Variants in ARFGEF2 observed in about 807,000 individuals in gnomAD.
ARFGEF2 encodes brefeldin A-inhibited guanine nucleotide-exchange protein 2.
In ARFGEF2, 74 loss-of-function variants were observed where a neutral mutation model predicts 219.9. That is an observed-to-expected ratio of 0.34 (90% CI 0.28 to 0.41). ARFGEF2 has a LOEUF of 0.41. ARFGEF2 is among the 10% of genes least tolerant of loss of function. ARFGEF2 has a pLI of 1.00. For missense variants in ARFGEF2, 1,743 were observed against 2,218.3 expected (o/e 0.79, Z 4.30); for synonymous variants, 733 against 799.2 (o/e 0.92, Z 1.40).
intron 18 of ARFGEF2, 94 bp from the exon 19 acceptor site, chr20:48,989,191 G>A: frequency 7.3e-7 from 1 of 1,363,640 alleles, no homozygotes; most frequent in Admixed American, 1.7e-5. Context: ...GGAGGATTTA[G>A]GAGTTAATCA....
At chr20:48,962,153 C>T (rs542485871) in intron 6 of ARFGEF2, among the ~76,000 whole-genome samples, 2 of 152,298 alleles carry the variant, frequency 1.3e-5, no homozygotes, top group Middle Eastern at 3.4e-3. Flanking sequence ...GCACTCCAGC[C>T]TGGGCAACAA....
chr20:48,967,980 A>G (rs1473430161), intron 8 of ARFGEF2, among the ~76,000 whole-genome samples: 2 of 152,024 alleles, frequency 1.3e-5, no homozygotes, highest in African/African-American at 4.8e-5. Context: ...AATCTTTATT[A>G]TATGTTTTTA....
In ARFGEF2 at chr20:48,971,218, A is replaced by G. The variant is rs373419435; in HGVS notation, c.1289A>G (p.Asn430Ser). 33 of 1,614,050 alleles carry G rather than the reference A, an allele frequency of 2.0e-5. No individual in the cohort carries two copies. Among genetic ancestry groups the G allele is most frequent in the Non-Finnish European group, 2.4e-5 (28 of 1,180,042 alleles). The change falls in exon 10 of 39, where the codon AAT becomes AGT. Residue 430 changes from asparagine to serine, a missense_variant. Coordinates refer to ENST00000371917, the MANE Select transcript of ARFGEF2 (RefSeq NM_006420.3). ...PVFRTHEMFINAIKQYLCVAL... is the reference protein window; with the variant it reads ...PVFRTHEMFISAIKQYLCVAL... The stretch of plus-strand genomic sequence containing the variant: ...TTCAGGACTCACGAGATGTTCATCA[A>G]TGCAATCAAGCAATATCTCTGTGTG...
rs2091575961 is a variant in ARFGEF2 at position 49,023,121 on chromosome 20, C to G, written c.4695C>G (p.Asn1565Lys). ...TGGAATTGATACAGACCATTGACAA[C>G]ATTGTGTTCTACCCTGCGACGAGCA... ...VQLELIQTID[N>K]IVFYPATSKK... The change falls in exon 35 of 39, where the codon AAC becomes AAG. Residue 1565 changes from asparagine to lysine, a missense_variant. Coordinates refer to ENST00000371917, the MANE Select transcript of ARFGEF2 (RefSeq NM_006420.3). 6.2e-7 allele frequency: 1 copy of G among 1,614,084 alleles called. No individual in the cohort carries two copies. The highest frequency in any genetic ancestry group is 1.7e-5 in the Admixed American group (1 of 59,994).
Position 48,976,075 on chromosome 20 carries a change from C to T in ARFGEF2, c.1834C>T (p.Arg612Trp), listed in dbSNP as rs370911063. The part of the protein sequence containing the change: ...GDGKGLDMAR[R>W]CSVTSMESTV... ...TGGGAAAGGCCTTGACATGGCAAGACGGTGTAGTGTGACGTCCATGGAGTC... is the reference window on the plus strand; with the variant it reads ...TGGGAAAGGCCTTGACATGGCAAGATGGTGTAGTGTGACGTCCATGGAGTC... Residue 612 changes from arginine (R) to tryptophan (W), a missense_variant, in exon 14 of 39, where the codon CGG (arginine) becomes TGG (tryptophan). Arg to Trp is a moderately radical substitution (Grantham distance 101). Around this residue, in one of 5 missense-constraint regions of ARFGEF2, gnomAD observed 666 missense variants for 955.4 expected, o/e 0.70. Transcript: ENST00000371917. The T allele has an allele frequency of 1.4e-5, 23 of 1,613,030 alleles. No individual in the cohort carries two copies. The highest frequency in any genetic ancestry group is 3.3e-5 in the Admixed American group (2 of 59,968).
chr20:48,942,572 C>T (rs2091000172), intron 3 of ARFGEF2, among the ~76,000 whole-genome samples: 1 of 141,106 alleles, frequency 7.1e-6, no homozygotes, highest in African/African-American at 2.7e-5. Context: ...GCAACGTCTG[C>T]TTCTCGGGTT....
chr20:48,988,313 G>A lies in ARFGEF2; in HGVS notation c.2286G>A (p.Leu762=), dbSNP rs766473384. The change falls in exon 17 of 39, where the codon CTG becomes CTA. Residue 762 remains leucine (L), a synonymous_variant. Transcript: ENST00000371917. ...GAATTTTTTTCTCCAGGCAAACTCT[G>A]TTTGCTAGTGCTGACACTGCTTATG... ...RYIECNQGQT[L]FASADTAYVL... 5 of 1,613,406 alleles carry A rather than the reference G, an allele frequency of 3.1e-6. No individual in the cohort carries two copies. The highest frequency in any genetic ancestry group is 4.2e-6 in the Non-Finnish European group (5 of 1,179,916).
intron 14 of ARFGEF2, among the ~76,000 whole-genome samples, chr20:48,980,237 G>A (rs571151331): frequency 6.6e-6 from 1 of 151,882 alleles, no homozygotes; most frequent in African/African-American, 2.4e-5. Context: ...ATTTCGTTAT[G>A]TACCCAGTAG....
At chr20:49,025,856 C>A (rs926534782) in intron 36 of ARFGEF2, among the ~76,000 whole-genome samples, 2 of 151,822 alleles carry the variant, frequency 1.3e-5, no homozygotes, top group African/African-American at 4.8e-5. Context: ...GTGGTGCAAA[C>A]CCATAATCCC....
intron 22 of ARFGEF2, among the ~76,000 whole-genome samples, chr20:48,995,346 C>T (rs551174065): frequency 6.6e-6 from 1 of 152,190 alleles, no homozygotes; most frequent in South Asian, 2.1e-4. Context: ...AAAGTATGGA[C>T]TCTGGAAAAA....
At chr20:49,006,795 C>A (rs1252055574) in intron 26 of ARFGEF2, among the ~76,000 whole-genome samples, 1 of 151,824 alleles carries the variant, frequency 6.6e-6, no homozygotes, top group African/African-American at 2.4e-5. Context: ...CCAGTGGTGG[C>A]AGGGTGCCTA....
At chr20:48,971,588 GAATATCTTT>G (rs2091228002) in intron 10 of ARFGEF2, among the ~76,000 whole-genome samples, 1 of 152,140 alleles carries the variant, frequency 6.6e-6, no homozygotes, top group Admixed American at 6.5e-5. Flanking sequence ...ATGAGTAAGA[GAATATCTTT>G]TTATAAAAAG....
intron 8 of ARFGEF2, among the ~76,000 whole-genome samples, chr20:48,967,457 T>C (rs2091195086): frequency 6.6e-6 from 1 of 152,212 alleles, no homozygotes; most frequent in South Asian, 2.1e-4. Flanking sequence ...GCAAGTAGTA[T>C]TGATGGTTCA....
At chr20:48,952,926 C>T (rs1033476449) in intron 5 of ARFGEF2, 42 bp downstream of exon 5, 2 of 1,595,618 alleles carry the variant, frequency 1.3e-6, no homozygotes, top group Non-Finnish European at 1.7e-6. Context: ...GACATCATTG[C>T]TCTCTGAACT....
Position 48,953,142 on chromosome 20 carries a change from TTTTC to T in ARFGEF2, c.603+278_603+281del, listed in dbSNP as rs544917028. ...AATATGTTATCCTTTTGGCTGGAATTTTTCTTTCTTTCTTTCTTTCTTTTTTTTT... is the reference window on the plus strand; with the variant it reads ...AATATGTTATCCTTTTGGCTGGAATTTTTCTTTCTTTCTTTCTTTTTTTTT... On this transcript the variant is annotated intron_variant, in intron 5 of 38. Transcript: ENST00000371917. Among the ~76,000 whole-genome samples, 1,074 of 151,540 alleles carry T rather than the reference TTTTC, an allele frequency of 7.1e-3. 3 individuals carry two copies. The highest frequency in any genetic ancestry group is 0.013 in the African/African-American group (527 of 41,240).
At chr20:48,935,654 T>G (rs1243914056) in intron 1 of ARFGEF2, among the ~76,000 whole-genome samples, 1 of 151,764 alleles carries the variant, frequency 6.6e-6, no homozygotes, top group Admixed American at 6.6e-5. Flanking sequence ...GGCTCCTCAC[T>G]TCCCAGTAGG....
intron 1 of ARFGEF2, among the ~76,000 whole-genome samples, chr20:48,937,896 A>G (rs902487742): frequency 2.0e-5 from 3 of 152,248 alleles, no homozygotes; most frequent in Non-Finnish European, 4.4e-5. Context: ...TAGCCTTCCC[A>G]GCTGGATGGG....
At chr20:48,950,811 A>AAAAAATATATATATATAT (rs1176537072) in intron 3 of ARFGEF2, among the ~76,000 whole-genome samples, 1 of 64,482 alleles carries the variant, frequency 1.6e-5, no homozygotes, top group Non-Finnish European at 2.6e-5. Flanking sequence ...AAAAAAAAAA[A>AAAAAATATATATATATAT]ATATATATAT....
intron 32 of ARFGEF2, 42 bp from the exon 33 acceptor site, chr20:49,017,454 C>T (rs2091537173): frequency 6.2e-7 from 1 of 1,610,656 alleles, no homozygotes; most frequent in Non-Finnish European, 8.5e-7. Context: ...CTCCTGATTG[C>T]CTTTCACATT....
Sources: gnomAD v4.1 joint callset for allele counts (sites outside exome capture counted in the v4.1 genomes callset) on GRCh38, gnomAD v4.1.1 for gene constraint, gnomAD v4.1.1 regional missense constraint, MANE v1.5 for transcripts, NCBI Gene and HGNC (gene_info 2026-07-23, HGNC 2026-07-21) for gene names.